EPHA5: variants seen among roughly 807,000 people sequenced by gnomAD.
EPHA5 encodes ephrin type-A receptor 5.
A neutral mutation model predicts 105.0 loss-of-function variants in EPHA5; 60 were observed. The ratio of observed to expected loss-of-function variants is 0.57; its 90% CI spans 0.46 to 0.71. The LOEUF is 0.71. EPHA5 is among the 30% of genes least tolerant of loss of function. The pLI, the probability that EPHA5 is intolerant of heterozygous loss-of-function variation, is 0.00. For missense variants in EPHA5, 1,218 were observed against 1,274.7 expected (o/e 0.96, Z 0.68); for synonymous variants, 513 against 449.1 (o/e 1.14, Z -1.80).
intron 14 of EPHA5, among the ~76,000 whole-genome samples, chr4:65,342,304 G>T (rs1055625413): frequency 6.6e-6 from 1 of 151,762 alleles, no homozygotes; most frequent in African/African-American, 2.4e-5. Context: ...ATCCAAGGGC[G>T]GCATTATCCT....
chr4:65,588,295 T>A (rs1167423797), intron 3 of EPHA5, among the ~76,000 whole-genome samples: 5 of 152,184 alleles, frequency 3.3e-5, no homozygotes, highest in African/African-American at 1.2e-4. Context: ...TTAGATCTTA[T>A]TTCTTGGGAT....
intron 3 of EPHA5, among the ~76,000 whole-genome samples, chr4:65,542,853 C>T (rs1253851273): frequency 1.3e-5 from 2 of 151,844 alleles, no homozygotes; most frequent in Non-Finnish European, 1.5e-5. Flanking sequence ...AATTCAGCAG[C>T]ACATGAAAAA....
intron 2 of EPHA5, among the ~76,000 whole-genome samples, chr4:65,608,241 C>T (rs1015041321): frequency 2.6e-5 from 4 of 152,172 alleles, no homozygotes; most frequent in Non-Finnish European, 5.9e-5. Flanking sequence ...AAGTGCCTGG[C>T]GCCTGTAATC....
chr4:65,365,509 T>A (rs2148890185), intron 10 of EPHA5, among the ~76,000 whole-genome samples: 1 of 150,390 alleles, frequency 6.6e-6, no homozygotes, highest in Non-Finnish European at 1.5e-5. Flanking sequence ...TAATGAAAAA[T>A]CACTTTTTCT....
At chr4:65,421,143 T>C (rs1451511987) in intron 5 of EPHA5, among the ~76,000 whole-genome samples, 1 of 152,084 alleles carries the variant, frequency 6.6e-6, no homozygotes, top group Non-Finnish European at 1.5e-5. Flanking sequence ...TATATTTCCT[T>C]AGAAATCATA....
intron 13 of EPHA5, among the ~76,000 whole-genome samples, chr4:65,348,591 G>A (rs1722441869): frequency 6.9e-6 from 1 of 145,872 alleles, no homozygotes; most frequent in African/African-American, 2.6e-5. Flanking sequence ...ATTGTAAGTG[G>A]AAATTATAGG....
chr4:65,577,730 A>G (rs1370663708), intron 3 of EPHA5, among the ~76,000 whole-genome samples: 3 of 152,178 alleles, frequency 2.0e-5, no homozygotes, highest in Non-Finnish European at 4.4e-5. Context: ...AAATGCCACT[A>G]ATGACCCTGG....
rs185552767 is a variant in EPHA5 at position 65,644,248 on chromosome 4, A to G, written c.182-821T>C. Among the ~76,000 whole-genome samples, 69 of 152,062 alleles carry G rather than the reference A, an allele frequency of 4.5e-4. 1 individual carries two copies. The highest frequency in any genetic ancestry group is 1.5e-3 in the African/African-American group (64 of 41,526). On this transcript the variant is annotated intron_variant, in intron 1 of 16. Coordinates refer to ENST00000613740, the MANE Select transcript of EPHA5 (RefSeq NM_001281766.3). ...CATGCACACACATACACACTCATAC[A>G]TATCATACATATGGTGTTACATACT...
Position 65,670,348 on chromosome 4 carries a change from C to G in EPHA5, c.-606G>C, listed in dbSNP as rs1200208352. ...GAGTGCTGAAGAGGGGAGGGACTGA[C>G]GGCTGCCGGCCGGTAGGAGCGCGGA... On this transcript the variant is annotated 5_prime_UTR_variant, in exon 1 of 17. Coordinates refer to ENST00000613740, the MANE Select transcript of EPHA5 (RefSeq NM_001281766.3). 3 of 233,706 alleles carry G rather than the reference C, an allele frequency of 1.3e-5. No homozygotes were observed. Among genetic ancestry groups the G allele is most frequent in the Admixed American group, 5.6e-5 (1 of 17,798 alleles). 14.5% of individuals were successfully genotyped at this position (233,706 alleles called of 1,614,324 possible).
intron 3 of EPHA5, among the ~76,000 whole-genome samples, chr4:65,507,462 T>A (rs1733158916): frequency 6.6e-6 from 1 of 152,192 alleles, no homozygotes; most frequent in African/African-American, 2.4e-5. Context: ...TTGGGCAGTA[T>A]GGCCATTTTC....
Position 65,669,693 on chromosome 4 carries a change from C to G in EPHA5, c.50G>C (p.Gly17Ala). ...TGGGGTGATGGGGGTGTCGCCGCCG[C>G]CGCTTGGGGGCCGCCGGCGTCCCGC... ...RGAGRRRPPSGGGDTPITPAS... is the reference protein window; with the variant it reads ...RGAGRRRPPSAGGDTPITPAS... The change falls in exon 1 of 17, where the codon GGC becomes GCC. Residue 17 changes from glycine to alanine, a missense_variant. Gly to Ala is a moderately conservative substitution (Grantham distance 60, BLOSUM62 0). Around this residue, in one of 3 missense-constraint regions of EPHA5, gnomAD observed 233 missense variants for 227.5 expected, o/e 1.02. Coordinates refer to ENST00000613740, the MANE Select transcript of EPHA5 (RefSeq NM_001281766.3). 1 of 1,310,778 alleles carries G rather than the reference C, an allele frequency of 7.6e-7. No individual in the cohort carries two copies. Among genetic ancestry groups the G allele is most frequent in the Non-Finnish European group, 9.7e-7 (1 of 1,026,930 alleles). 81.2% of individuals were successfully genotyped at this position (1,310,778 alleles called of 1,614,324 possible).
intron 3 of EPHA5, among the ~76,000 whole-genome samples, chr4:65,560,824 A>T (rs745953260): frequency 6.6e-6 from 1 of 152,138 alleles, no homozygotes; most frequent in African/African-American, 2.4e-5. Context: ...AATATAGAAT[A>T]TAGATTTTAT....
chr4:65,459,130 A>G (rs929092419), intron 5 of EPHA5, among the ~76,000 whole-genome samples: 22 of 152,066 alleles, frequency 1.4e-4, no homozygotes, highest in Admixed American at 7.2e-4. Context: ...ACTGGGGCCA[A>G]TTTGTGTTAC....
chr4:65,465,679 G>A (rs901863680), intron 5 of EPHA5, among the ~76,000 whole-genome samples: 3 of 152,088 alleles, frequency 2.0e-5, no homozygotes, highest in African/African-American at 7.2e-5. Context: ...TTGCCCATAC[G>A]GGTTCCCCTG....
chr4:65,372,995 T>G (rs1479316402), intron 8 of EPHA5, among the ~76,000 whole-genome samples: 1 of 151,902 alleles, frequency 6.6e-6, no homozygotes, highest in African/African-American at 2.4e-5. Flanking sequence ...TCAATTGTAA[T>G]TGACAGAATT....
intron 3 of EPHA5, among the ~76,000 whole-genome samples, chr4:65,516,540 CTG>C (rs145854803): frequency 6.6e-5 from 10 of 150,420 alleles, no homozygotes; most frequent in East Asian, 2.0e-4. Context: ...AGGGTCAACT[CTG>C]TGTGTGTGTG....
intron 15 of EPHA5, among the ~76,000 whole-genome samples, chr4:65,332,961 G>A (rs570537260): frequency 7.3e-5 from 11 of 151,658 alleles, no homozygotes; most frequent in Admixed American, 6.6e-4. Context: ...TTAATACACC[G>A]AGGAGTGGTA....
At chr4:65,393,546 CA>C (rs1720924724) in intron 8 of EPHA5, among the ~76,000 whole-genome samples, 1 of 152,198 alleles carries the variant, frequency 6.6e-6, no homozygotes, top group African/African-American at 2.4e-5. Flanking sequence ...CCCTACTTTT[CA>C]ATATCACAGT....
intron 8 of EPHA5, among the ~76,000 whole-genome samples, chr4:65,373,260 A>C (rs1363274462): frequency 6.6e-6 from 1 of 151,822 alleles, no homozygotes; most frequent in Admixed American, 6.6e-5. Context: ...CCTTCCATTG[A>C]AATTTAATAT....
Sources: gnomAD v4.1 joint callset for allele counts (sites outside exome capture counted in the v4.1 genomes callset) on GRCh38, gnomAD v4.1.1 for gene constraint, gnomAD v4.1.1 regional missense constraint, MANE v1.5 for transcripts, NCBI Gene and HGNC (gene_info 2026-07-23, HGNC 2026-07-21) for gene names.